CPAMD8: variants seen among roughly 807,000 people sequenced by gnomAD.
CPAMD8 encodes C3 and PZP like alpha-2-macroglobulin domain containing 8.
Under a neutral mutation model 224.7 loss-of-function variants are expected in CPAMD8, and 146 were observed. The observed-to-expected ratio is 0.65, with a 90% confidence interval of 0.57 to 0.75. CPAMD8 has a LOEUF of 0.75. Among genes scored for constraint, CPAMD8 ranks in the 30% least tolerant of loss-of-function variants. The probability of loss-of-function intolerance (pLI) is 0.00; values close to 1 mark genes in which losing one functional copy is unlikely to be tolerated. For synonymous variants in CPAMD8, 966 were observed against 1,044.6 expected (o/e 0.92, Z 1.45); for missense variants, 2,301 against 2,537.5 (o/e 0.91, Z 2.00).
chr19:16,977,355 C>T lies in CPAMD8; in HGVS notation c.1758+13G>A, dbSNP rs1316481228. On this transcript the variant is annotated intron_variant, in intron 15 of 41. Coordinates refer to ENST00000443236, the MANE Select transcript of CPAMD8 (RefSeq NM_015692.5). ...CCCTGGCTGTGTCCCAGGTTCAGTG[C>T]ACGATGCTCTACCTGGTTTTCGAAG... 1.9e-6 allele frequency: 3 copies of T among 1,599,748 alleles called. No individual in the cohort carries two copies. Among genetic ancestry groups the T allele is most frequent in the Non-Finnish European group, 1.7e-6 (2 of 1,169,256 alleles).
intron 13 of CPAMD8, among the ~76,000 whole-genome samples, chr19:16,982,731 A>AG (rs1479536611): frequency 6.6e-6 from 1 of 151,948 alleles, no homozygotes; most frequent in African/African-American, 2.4e-5. Context: ...CCAGCTATCT[A>AG]GGGGGGCTGA....
chr19:16,965,982 G>GA (rs1490936036), intron 18 of CPAMD8, among the ~76,000 whole-genome samples: 6 of 152,184 alleles, frequency 3.9e-5, no homozygotes, highest in Admixed American at 2.6e-4. Context: ...CACAGAATTG[G>GA]AAAAAACTAC....
intron 23 of CPAMD8, among the ~76,000 whole-genome samples, chr19:16,933,913 C>G (rs534424624): frequency 3.2e-4 from 49 of 152,228 alleles, no homozygotes; most frequent in African/African-American, 1.0e-3. Context: ...TTGAGATACT[C>G]CCAAACTGGA....
chr19:16,967,419 C>T (rs948233554), intron 18 of CPAMD8, among the ~76,000 whole-genome samples: 3 of 152,042 alleles, frequency 2.0e-5, no homozygotes, highest in African/African-American at 7.2e-5. Flanking sequence ...AGCAAACCAA[C>T]ATGGGACATG....
intron 20 of CPAMD8, among the ~76,000 whole-genome samples, chr19:16,951,218 A>G (rs1468977701): frequency 2.0e-5 from 3 of 152,122 alleles, no homozygotes; most frequent in Non-Finnish European, 2.9e-5. Context: ...CGGGATCCCA[A>G]GCACCCTCTC....
chr19:16,906,399 T>TTCCTTCCTTCC (rs1568459809), intron 30 of CPAMD8, among the ~76,000 whole-genome samples: 10 of 88,706 alleles, frequency 1.1e-4, no homozygotes, highest in Admixed American at 1.2e-4. Context: ...TCTTTCTTTC[T>TTCCTTCCTTCC]TTCTTTCTTT....
rs1331333466 is a variant in CPAMD8, at chr19:16,927,918, C to T, written c.3370+91G>A. Reference sequence around the variant, plus strand: ...GGTGGACACCCCAAGACACAGGTCCCCAGCAAAGCCCAGCTTGAGACTAAG... The same window carrying T: ...GGTGGACACCCCAAGACACAGGTCCTCAGCAAAGCCCAGCTTGAGACTAAG... On this transcript the variant is annotated intron_variant, in intron 25 of 41. Transcript: ENST00000443236. The T allele has an allele frequency of 4.2e-6, 4 of 960,374 alleles. No homozygotes were observed. In the African/African-American group the frequency reaches 4.8e-5, roughly 12 times the overall value. 59.5% of individuals were successfully genotyped at this position (960,374 alleles called of 1,614,324 possible).
In CPAMD8 at chr19:16,893,087, C is replaced by CCA. The variant is rs1404646452; in HGVS notation, c.*20_*21insTG. On this transcript the variant is annotated 3_prime_UTR_variant, in exon 42 of 42. Transcript: ENST00000443236. The stretch of plus-strand genomic sequence containing the variant: ...TCCCCAGGACCAAACTGCGGTCCCA[C>CCA]AACTGCATGTGGTTGTAGGATTATC... 8.9e-7 allele frequency: 1 copy of CCA among 1,124,050 alleles called. No individual in the cohort carries two copies. Among genetic ancestry groups the CCA allele is most frequent in the Non-Finnish European group, 1.4e-6 (1 of 734,760 alleles). 69.6% of individuals were successfully genotyped at this position (1,124,050 alleles called of 1,614,324 possible). A position where few individuals can be genotyped will look rare whatever the true frequency, so the allele number is the denominator to read the frequency against.
At chr19:16,904,176 A>AGGGGCCCCCCCCCCCCCCC in intron 32 of CPAMD8, 50 bp downstream of exon 32, 1 of 937,336 alleles carries the variant, frequency 1.1e-6, no homozygotes, top group Non-Finnish European at 1.7e-6. Context: ...GACTGCAGGG[A>AGGGGCCCCCCCCCCCCCCC]CCCCACCCAC....
intron 1 of CPAMD8, among the ~76,000 whole-genome samples, chr19:17,024,627 C>T (rs1233705975): frequency 2.0e-5 from 3 of 152,184 alleles, no homozygotes; most frequent in Non-Finnish European, 2.9e-5. Flanking sequence ...ATCCAACTGC[C>T]CAGAGAAACT....
rs145071340 is a variant in CPAMD8 at position 16,924,927 on chromosome 19, T to C, written c.3547+269A>G. Among the ~76,000 whole-genome samples the C allele has an allele frequency of 8.9e-4, 134 of 150,250 alleles. 1 individual carries two copies. The highest frequency in any genetic ancestry group is 3.2e-3 in the African/African-American group (126 of 39,594). Reference sequence around the variant, plus strand: ...AATGTTATTTTTAATAATGCTGTTATATTATTATTGTTGTAAAAAAATCCA... The same window carrying C: ...AATGTTATTTTTAATAATGCTGTTACATTATTATTGTTGTAAAAAAATCCA... On this transcript the variant is annotated intron_variant, in intron 26 of 41. Transcript: ENST00000443236.
At chr19:16,929,700 G>A (rs2053489624) in intron 23 of CPAMD8, among the ~76,000 whole-genome samples, 1 of 152,092 alleles carries the variant, frequency 6.6e-6, no homozygotes, top group Non-Finnish European at 1.5e-5. Context: ...TAAAAAACAA[G>A]CAAGATTCTC....
chr19:16,893,190 C>T lies in CPAMD8; in HGVS notation c.5576G>A (p.Ser1859Asn), dbSNP rs1234303847. Residue 1859 changes from serine to asparagine, a missense_variant, in exon 42 of 42, where the codon AGC (serine) becomes AAC (asparagine). Ser to Asn is a conservative substitution (Grantham distance 46, BLOSUM62 1). Transcript: ENST00000443236. ...VVGAHRPGLLSPVFVYSPAFQ... is the reference protein window; with the variant it reads ...VVGAHRPGLLNPVFVYSPAFQ... Reference sequence around the variant, plus strand: ...GGCTGGGCTGTAGACGAAGACAGGGCTCAGAAGCCCTGGCCTGTGGGCCCC... The same window carrying T: ...GGCTGGGCTGTAGACGAAGACAGGGTTCAGAAGCCCTGGCCTGTGGGCCCC... 6.3e-7 allele frequency: 1 copy of T among 1,597,548 alleles called. No individual in the cohort carries two copies. Among genetic ancestry groups the T allele is most frequent in the Non-Finnish European group, 8.6e-7 (1 of 1,169,186 alleles).
chr19:16,966,218 C>T (rs9749528), intron 18 of CPAMD8, among the ~76,000 whole-genome samples: 14,887 of 152,088 alleles, frequency 0.098, 1,932 homozygotes, highest in African/African-American at 0.3. Flanking sequence ...CTTTGACAAA[C>T]CTGACAAAAA....
chr19:17,001,470 C>CT (rs112395975), intron 9 of CPAMD8, among the ~76,000 whole-genome samples: 27,346 of 97,630 alleles, frequency 0.28, 2,876 homozygotes, highest in Non-Finnish European at 0.32. Context: ...GGGTCACACC[C>CT]TGGGGGGTAG....
intron 23 of CPAMD8, among the ~76,000 whole-genome samples, chr19:16,937,945 C>T (rs138254274): frequency 0.011 from 1,663 of 152,150 alleles, 9 homozygotes; most frequent in Non-Finnish European, 0.016. Context: ...GAGCCTACCG[C>T]GCCCGGCCAA....
In CPAMD8 at chr19:17,016,258, T is replaced by C. The variant is rs551108397; in HGVS notation, c.267+4073A>G. Among the ~76,000 whole-genome samples the C allele has an allele frequency of 3.9e-5, 6 of 152,292 alleles. No homozygotes were observed. The South Asian group carries it at 1.0e-3, about 26-fold the overall frequency. On this transcript the variant is annotated intron_variant, in intron 3 of 41. Coordinates refer to ENST00000443236, the MANE Select transcript of CPAMD8 (RefSeq NM_015692.5). The stretch of plus-strand genomic sequence containing the variant: ...GCACCAGTCACTGTGCCTGGCCAAA[T>C]GCTAAGGATCTTAAGCATCTTTCTT...
At chr19:16,909,781 C>T (rs1207237058) in intron 29 of CPAMD8, among the ~76,000 whole-genome samples, 1 of 152,088 alleles carries the variant, frequency 6.6e-6, no homozygotes, top group African/African-American at 2.4e-5. Context: ...AGAGGTTTCA[C>T]TGTTACTCAG....
intron 35 of CPAMD8, among the ~76,000 whole-genome samples, chr19:16,902,150 T>C (rs1056472080): frequency 2.0e-5 from 3 of 152,212 alleles, no homozygotes; most frequent in Admixed American, 2.0e-4. Flanking sequence ...CAGCCACACA[T>C]CGCTGTCCCC....
Sources: allele counts gnomAD v4.1 joint callset (sites outside exome capture counted in the v4.1 genomes callset), GRCh38; gene constraint gnomAD v4.1.1; transcripts MANE v1.5; gene names NCBI Gene and HGNC (gene_info 2026-07-23, HGNC 2026-07-21).